LARGE1: variants seen among roughly 807,000 people sequenced by gnomAD.
The protein encoded by LARGE1 is xylosyl- and glucuronyltransferase LARGE1.
Under a neutral mutation model 87.6 loss-of-function variants are expected in LARGE1, and 43 were observed. The ratio of observed to expected loss-of-function variants is 0.49; its 90% CI spans 0.38 to 0.63. LARGE1 has a LOEUF of 0.63. Ranked by LOEUF, LARGE1 falls within the 30% of genes least tolerant of loss-of-function variation. The probability of loss-of-function intolerance (pLI) is 0.00; values close to 1 mark genes in which losing one functional copy is unlikely to be tolerated. For missense variants in LARGE1, 802 were observed against 1,000.2 expected, an observed-to-expected ratio of 0.80 and a Z score of 2.67; for synonymous variants, 434 against 394.6, an observed-to-expected ratio of 1.10 and a Z score of -1.18.
At chr22:33,639,902 T>C (rs1360873014) in intron 3 of LARGE1, among the ~76,000 whole-genome samples, 1 of 152,140 alleles carries the variant, frequency 6.6e-6, no homozygotes, top group Non-Finnish European at 1.5e-5. Context: ...GAAAGACACA[T>C]AATTACCAAA....
intron 1 of LARGE1, among the ~76,000 whole-genome samples, chr22:33,762,213 CAAAAAAAAAAAAAAAA>C (rs56832457): frequency 3.6e-5 from 3 of 84,460 alleles, no homozygotes; most frequent in South Asian, 3.6e-4. Context: ...GATTCTATCT[CAAAAAAAAAAAAAAAA>C]AAAAAAAAAA....
the LARGE1 span, among the ~76,000 whole-genome samples, chr22:33,085,464 C>A: frequency 2.0e-5 from 3 of 152,106 alleles, no homozygotes; most frequent in African/African-American, 7.2e-5. Context: ...GAAGCCAAAG[C>A]ATATTCATTT....
At chr22:33,845,075 G>T (rs571083481) in intron 1 of LARGE1, among the ~76,000 whole-genome samples, 1 of 151,850 alleles carries the variant, frequency 6.6e-6, no homozygotes, top group East Asian at 1.9e-4. Flanking sequence ...AAAATCTTCC[G>T]GGAAATGCAA....
chr22:33,324,883 C>T (rs900743824), intron 10 of LARGE1, among the ~76,000 whole-genome samples: 22 of 151,718 alleles, frequency 1.5e-4, no homozygotes, highest in Admixed American at 8.5e-4. Flanking sequence ...CCTAAAGTGA[C>T]GCTCAAGGAT....
chr22:33,311,195 T>C lies in LARGE1; in HGVS notation c.1451+4890A>G, dbSNP rs528187492. On this transcript the variant is annotated intron_variant, in intron 11 of 14. Coordinates refer to ENST00000397394, the MANE Select transcript of LARGE1 (RefSeq NM_133642.5). ...CAGGATGGTCTCCATCTCCTGACCTTGTGATCTGCCTGCCTCAGCCTCCCA... is the reference window on the plus strand; with the variant it reads ...CAGGATGGTCTCCATCTCCTGACCTCGTGATCTGCCTGCCTCAGCCTCCCA... Among the ~76,000 whole-genome samples, 13 of 152,162 alleles carry C rather than the reference T, an allele frequency of 8.5e-5. No individual in the cohort carries two copies. In the South Asian group the frequency reaches 2.5e-3, roughly 29 times the overall value.
Position 33,370,946 on chromosome 22 carries a change from CAT to C in LARGE1, c.1131+10971_1131+10972del, listed in dbSNP as rs375101617. ...AACATAACATGAATAATACATATAA[CAT>C]TTATCATTTTATATATGTTATGTCT... On this transcript the variant is annotated intron_variant, in intron 9 of 14. Coordinates refer to ENST00000397394, the MANE Select transcript of LARGE1 (RefSeq NM_133642.5). Among the ~76,000 whole-genome samples the C allele has an allele frequency of 2.5e-4, 38 of 149,358 alleles. No individual in the cohort carries two copies. The East Asian group carries it at 4.9e-3, about 19-fold the overall frequency.
At chr22:33,451,663 A>G (rs2147922752) in intron 6 of LARGE1, among the ~76,000 whole-genome samples, 1 of 150,586 alleles carries the variant, frequency 6.6e-6, no homozygotes, top group Admixed American at 6.6e-5. Flanking sequence ...GGTTCAAGCG[A>G]TTTTCCTGCC....
the LARGE1 span, among the ~76,000 whole-genome samples, chr22:33,115,453 GA>G: frequency 0.062 from 6,966 of 111,926 alleles, 319 homozygotes; most frequent in South Asian, 0.14. Flanking sequence ...ACCTCTCAAA[GA>G]AAAAAAAAAA....
chr22:33,415,719 G>GGCTC (rs2066463653), intron 7 of LARGE1, among the ~76,000 whole-genome samples: 1 of 152,136 alleles, frequency 6.6e-6, no homozygotes, highest in African/African-American at 2.4e-5. Flanking sequence ...GCCTGTGGAT[G>GGCTC]GGAGCTTCTG....
At chr22:33,831,918 G>A (rs1405426726) in intron 1 of LARGE1, among the ~76,000 whole-genome samples, 2 of 152,186 alleles carry the variant, frequency 1.3e-5, no homozygotes, top group African/African-American at 4.8e-5. Context: ...GTAAGCTTCT[G>A]GACATGGGTA....
chr22:33,086,821 G>C, the LARGE1 span, among the ~76,000 whole-genome samples: 1 of 152,152 alleles, frequency 6.6e-6, no homozygotes, highest in Non-Finnish European at 1.5e-5. Flanking sequence ...AAAGTGCTGG[G>C]ATTACAGGCG....
At chr22:33,480,486 T>C (rs180933432) in intron 6 of LARGE1, among the ~76,000 whole-genome samples, 114 of 152,262 alleles carry the variant, frequency 7.5e-4, no homozygotes, top group African/African-American at 2.5e-3. Flanking sequence ...GAGGTTCCTG[T>C]GCTCCCAGGG....
intron 2 of LARGE1, among the ~76,000 whole-genome samples, chr22:33,722,294 G>C (rs1333172860): frequency 6.9e-6 from 1 of 144,192 alleles, no homozygotes; most frequent in African/African-American, 2.5e-5. Context: ...GGGAGAGGGA[G>C]AGGAGGGAGA....
chr22:33,466,813 T>A (rs2068637812), intron 6 of LARGE1, among the ~76,000 whole-genome samples: 1 of 151,948 alleles, frequency 6.6e-6, no homozygotes, highest in Non-Finnish European at 1.5e-5. Context: ...CTGAGGAGGA[T>A]GGATCCCCCA....
intron 7 of LARGE1, among the ~76,000 whole-genome samples, chr22:33,395,188 C>G (rs761986761): frequency 1.4e-5 from 2 of 144,798 alleles, no homozygotes; most frequent in Non-Finnish European, 3.0e-5. Context: ...GAGATCGCGC[C>G]GCTGCACTCC....
At chr22:33,735,143 G>A (rs772140238) in intron 2 of LARGE1, among the ~76,000 whole-genome samples, 1 of 152,202 alleles carries the variant, frequency 6.6e-6, no homozygotes, top group Non-Finnish European at 1.5e-5. Flanking sequence ...AAGGACAAAG[G>A]CTGATCATGA....
chr22:33,495,386 C>A (rs1300694180), intron 6 of LARGE1, among the ~76,000 whole-genome samples: 2 of 152,194 alleles, frequency 1.3e-5, no homozygotes, highest in African/African-American at 4.8e-5. Flanking sequence ...AGTGTAAAAA[C>A]AAGTTTTCCA....
chr22:33,613,802 G>A (rs1290479324), intron 4 of LARGE1, among the ~76,000 whole-genome samples: 5 of 152,212 alleles, frequency 3.3e-5, no homozygotes, highest in Non-Finnish European at 7.4e-5. Flanking sequence ...ACACAGTAAG[G>A]AGGGGCTTTT....
intron 1 of LARGE1, among the ~76,000 whole-genome samples, chr22:33,878,129 C>CT (rs1186663464): frequency 0.017 from 779 of 44,592 alleles, 130 homozygotes; most frequent in East Asian, 0.069. Context: ...TATTGTATTT[C>CT]TTTTTTTTTT....
Sources: allele counts gnomAD v4.1 joint callset (sites outside exome capture counted in the v4.1 genomes callset), GRCh38; gene constraint gnomAD v4.1.1; transcripts MANE v1.5; gene names NCBI Gene and HGNC (gene_info 2026-07-23, HGNC 2026-07-21).